Variants in PARD3B observed in about 807,000 individuals in gnomAD.
PARD3B encodes the protein partitioning defective 3 homolog B.
In PARD3B, 103 loss-of-function variants were observed where a neutral mutation model predicts 130.2. The observed-to-expected ratio is 0.79, with a 90% CI of 0.67 to 0.93. The LOEUF is 0.93. Ranked by LOEUF, PARD3B falls within the 40% of genes least tolerant of loss-of-function variation. The pLI is 0.00. For missense variants in PARD3B, 1,609 were observed against 1,499.2 expected, an observed-to-expected ratio of 1.07 and a Z score of -1.21; for synonymous variants, 583 against 553.2, an observed-to-expected ratio of 1.05 and a Z score of -0.76.
intron 15 of PARD3B, among the ~76,000 whole-genome samples, chr2:205,215,450 A>C (rs942837366): frequency 2.0e-5 from 3 of 152,132 alleles, no homozygotes; most frequent in Non-Finnish European, 2.9e-5. Flanking sequence ...CAAAAGATTA[A>C]CATCCTTAAC....
intron 22 of PARD3B, among the ~76,000 whole-genome samples, chr2:205,567,734 G>A (rs2053409283): frequency 6.6e-6 from 1 of 151,590 alleles, no homozygotes; most frequent in African/African-American, 2.4e-5. Flanking sequence ...CCTAGGCAGG[G>A]CTTCTCCCCA....
chr2:204,762,434 A>C (rs2040945454), intron 2 of PARD3B, among the ~76,000 whole-genome samples: 1 of 152,096 alleles, frequency 6.6e-6, no homozygotes, highest in African/African-American at 2.4e-5. Flanking sequence ...CGAATGGCAA[A>C]GATTTTCTAA....
intron 3 of PARD3B, among the ~76,000 whole-genome samples, chr2:205,008,367 T>C (rs1038767671): frequency 1.3e-5 from 2 of 152,064 alleles, no homozygotes; most frequent in Admixed American, 1.3e-4. Context: ...GTTTTAGGCT[T>C]CCTTTAACAT....
rs2055541503 is a variant in PARD3B, at chr2:205,619,765, C to A, written c.*3952C>A. ...ATGTCCTTAAATAGTCACAGAATCA[C>A]ACACAGCCTGACTTTTAAAGACAAG... On this transcript the variant is annotated 3_prime_UTR_variant, in exon 23 of 23. Transcript: ENST00000406610. 1 of 152,206 alleles carries A rather than the reference C, an allele frequency of 6.6e-6. No individual in the cohort carries two copies. Among genetic ancestry groups the A allele is most frequent in the Non-Finnish European group, 1.5e-5 (1 of 68,028 alleles). 9.4% of individuals were successfully genotyped at this position (152,206 alleles called of 1,614,324 possible). A position where few individuals can be genotyped will look rare whatever the true frequency, so the allele number is the denominator to read the frequency against.
At chr2:205,294,254 A>G (rs1358997433) in intron 16 of PARD3B, among the ~76,000 whole-genome samples, 1 of 152,128 alleles carries the variant, frequency 6.6e-6, no homozygotes, top group Non-Finnish European at 1.5e-5. Context: ...GAATCTACCC[A>G]CAGATAAGGT....
At chr2:204,565,324 TC>T (rs1204640168) in intron 1 of PARD3B, among the ~76,000 whole-genome samples, 1 of 152,194 alleles carries the variant, frequency 6.6e-6, no homozygotes, top group East Asian at 1.9e-4. Flanking sequence ...CAACATGGTT[TC>T]TTAAAGGTTC....
intron 16 of PARD3B, among the ~76,000 whole-genome samples, chr2:205,289,268 C>G (rs2041513275): frequency 6.6e-6 from 1 of 152,044 alleles, no homozygotes; most frequent in South Asian, 2.1e-4. Context: ...AGTAATGACC[C>G]TGTCCTACAA....
At chr2:204,780,717 A>AT (rs927336533) in intron 2 of PARD3B, among the ~76,000 whole-genome samples, 5 of 152,116 alleles carry the variant, frequency 3.3e-5, no homozygotes, top group Non-Finnish European at 5.9e-5. Context: ...AAACAGACGC[A>AT]TTTGGGGGCA....
intron 19 of PARD3B, among the ~76,000 whole-genome samples, chr2:205,434,761 G>A (rs1359023463): frequency 6.6e-6 from 1 of 152,152 alleles, no homozygotes; most frequent in Non-Finnish European, 1.5e-5. Context: ...TAACTGAGTT[G>A]ACAAAGGGAT....
chr2:205,161,685 C>T lies in PARD3B; in HGVS notation c.1620+2778C>T, dbSNP rs568500071. Among the ~76,000 whole-genome samples, 5 of 152,292 alleles carry T rather than the reference C, an allele frequency of 3.3e-5. No homozygotes were observed. In the East Asian group the frequency reaches 9.7e-4, roughly 29 times the overall value. ...ATACACATGTAACAGACTACAGTGT[C>T]TCTGGGGCAGAGGAGAGATCAGCAC... On this transcript the variant is annotated intron_variant, in intron 11 of 22. Transcript: ENST00000406610.
chr2:205,284,196 T>TC (rs2041299970), intron 16 of PARD3B, among the ~76,000 whole-genome samples: 1 of 152,216 alleles, frequency 6.6e-6, no homozygotes, highest in Non-Finnish European at 1.5e-5. Context: ...AATCGTTCCA[T>TC]CTTGCACCTC....
At chr2:204,618,490 C>G (rs2034188347) in intron 1 of PARD3B, among the ~76,000 whole-genome samples, 1 of 152,192 alleles carries the variant, frequency 6.6e-6, no homozygotes, top group South Asian at 2.1e-4. Context: ...TGTGATCACA[C>G]TCTTAGTGGA....
intron 2 of PARD3B, among the ~76,000 whole-genome samples, chr2:204,713,555 T>G (rs1384207476): frequency 2.0e-5 from 3 of 152,014 alleles, no homozygotes; most frequent in Non-Finnish European, 4.4e-5. Context: ...AACACTAGTT[T>G]CCTGTTTCCC....
intron 2 of PARD3B, among the ~76,000 whole-genome samples, chr2:204,917,351 G>A (rs1186518397): frequency 1.3e-5 from 2 of 152,176 alleles, no homozygotes; most frequent in Admixed American, 6.5e-5. Flanking sequence ...GTGAAGAAAC[G>A]TTAGATGTAA....
Position 204,997,170 on chromosome 2 carries a change from A to G in PARD3B, c.394+31847A>G, listed in dbSNP as rs116438607. Among the ~76,000 whole-genome samples, 898 of 152,302 alleles carry G rather than the reference A, an allele frequency of 5.9e-3. 4 individuals are homozygous for G. Among genetic ancestry groups the G allele is most frequent in the African/African-American group, 0.02 (829 of 41,568 alleles). On this transcript the variant is annotated intron_variant, in intron 3 of 22. Transcript: ENST00000406610. The stretch of plus-strand genomic sequence containing the variant: ...CCCTAACTTTATAATACTCCGTGAT[A>G]TCTGTCAGGGTAGGTTCCTGTGTTG...
At chr2:204,986,089 A>G (rs1693116896) in intron 3 of PARD3B, among the ~76,000 whole-genome samples, 1 of 120,780 alleles carries the variant, frequency 8.3e-6, no homozygotes, top group Admixed American at 1.1e-4. Flanking sequence ...CAACAGAGCG[A>G]GACTCTGTCT....
intron 2 of PARD3B, among the ~76,000 whole-genome samples, chr2:204,764,009 C>T (rs570297709): frequency 4.6e-5 from 7 of 152,004 alleles, no homozygotes; most frequent in African/African-American, 1.7e-4. Flanking sequence ...TCTCTCATTG[C>T]CTGAGGTATA....
At chr2:205,090,494 G>T (rs1177056571) in intron 4 of PARD3B, among the ~76,000 whole-genome samples, 1 of 152,162 alleles carries the variant, frequency 6.6e-6, no homozygotes, top group Admixed American at 6.5e-5. Flanking sequence ...TGTTATTTCT[G>T]CATGCACTTG....
chr2:204,632,580 T>C (rs1437265984), intron 1 of PARD3B, among the ~76,000 whole-genome samples: 1 of 152,182 alleles, frequency 6.6e-6, no homozygotes, highest in Admixed American at 6.5e-5. Context: ...CTCCATACCC[T>C]AGGTGCCTGG....
Sources: allele counts gnomAD v4.1 joint callset (sites outside exome capture counted in the v4.1 genomes callset), GRCh38; gene constraint gnomAD v4.1.1; transcripts MANE v1.5; gene names NCBI Gene and HGNC (gene_info 2026-07-23, HGNC 2026-07-21).